Variants in IGSF23 observed in about 807,000 individuals in gnomAD.
IGSF23 encodes the protein immunoglobulin superfamily member 23, also known as immunoglobulin superfamily, member 23.
In IGSF23, 14 loss-of-function variants were observed where a neutral mutation model predicts 17.8. The ratio of observed to expected loss-of-function variants is 0.79; its 90% CI spans 0.52 to 1.23. IGSF23 has a LOEUF of 1.23. Ranked by LOEUF, IGSF23 falls within the 50% of genes most tolerant of loss-of-function variation. The pLI, the probability that IGSF23 is intolerant of heterozygous loss-of-function variation, is 0.00. For synonymous variants in IGSF23, 85 were observed against 92.5 expected, an observed-to-expected ratio of 0.92 and a Z score of 0.46; for missense variants, 214 against 241.7, an observed-to-expected ratio of 0.89 and a Z score of 0.76.
At chr19:44,631,199 C>T (rs906268866) in intron 3 of IGSF23, among the ~76,000 whole-genome samples, 7 of 151,978 alleles carry the variant, frequency 4.6e-5, no homozygotes, top group Middle Eastern at 3.2e-3. Context: ...TCTGGGAGTT[C>T]GAGGTGGCAG....
Position 44,623,777 on chromosome 19 carries a change from T to G in IGSF23, c.196T>G (p.Ser66Ala). 1 of 1,550,982 alleles carries G rather than the reference T, an allele frequency of 6.4e-7. No individual in the cohort carries two copies. The highest frequency in any genetic ancestry group is 1.7e-4 in the Middle Eastern group (1 of 5,996). Residue 66 changes from serine (S) to alanine (A), a missense_variant, in exon 2 of 5, where the codon TCT becomes GCT. Ser to Ala is a moderately conservative substitution (Grantham distance 99, BLOSUM62 1). Transcript: ENST00000402988. ...RGVIQSELNY[S>A]VILQWVVTMD... ...AGTCATCCAGAGTGAGCTCAACTAT[T>G]CTGTGATCCTGCAGTGGGTGGTGAC...
At chr19:44,629,837 T>C (rs1972730060) in intron 3 of IGSF23, among the ~76,000 whole-genome samples, 2 of 152,036 alleles carry the variant, frequency 1.3e-5, no homozygotes, top group Admixed American at 1.3e-4. Context: ...TTTCACCATG[T>C]TGGCCAGGAT....
At position 44,614,537 on chromosome 19, in the gene IGSF23, G is replaced by A. The variant is rs150386374; in HGVS notation, c.125+767G>A. ...AGCTTCAACCTGCTGGGCTGAAGCT[G>A]TTCTCCTGCCTCAGCGTCCTGCGTA... On this transcript the variant is annotated intron_variant, in intron 1 of 4. Coordinates refer to ENST00000402988, the MANE Select transcript of IGSF23 (RefSeq NM_001205280.2). 1.5e-3 allele frequency among the ~76,000 whole-genome samples: 223 copies of A among 152,110 alleles called. 8 individuals are homozygous for A. In the East Asian group the frequency reaches 0.035, roughly 24 times the overall value.
In IGSF23 at chr19:44,623,955, T is replaced by C. The variant is rs1452762045; in HGVS notation, c.374T>C (p.Val125Ala). Reference protein sequence around the residue: ...NSKKQLVSEPVTISLPKPIMQ... With the variant: ...NSKKQLVSEPATISLPKPIMQ... ...AAGAAACAGCTGGTCTCTGAGCCTG[T>C]AACCATCTCGCTGCCAAGTGAGTCC... is the stretch of plus-strand genomic sequence containing the variant. The change falls in exon 2 of 5, where the codon GTA becomes GCA. Residue 125 changes from valine (V) to alanine (A), a missense_variant. Transcript: ENST00000402988. The C allele has an allele frequency of 1.3e-6, 2 of 1,549,910 alleles. No homozygotes were observed. Among genetic ancestry groups the C allele is most frequent in the Non-Finnish European group, 1.7e-6 (2 of 1,146,650 alleles).
Position 44,633,685 on chromosome 19 carries a change from T to C in IGSF23, c.546-1716T>C, listed in dbSNP as rs144791991. On this transcript the variant is annotated intron_variant, in intron 3 of 4. Coordinates refer to ENST00000402988, the MANE Select transcript of IGSF23 (RefSeq NM_001205280.2). ...GACGACCAGTGCTGTAGAGAAATGATTGAAATGTCCGCTCCTGTATCTGCC... is the reference window on the plus strand; with the variant it reads ...GACGACCAGTGCTGTAGAGAAATGACTGAAATGTCCGCTCCTGTATCTGCC... Among the ~76,000 whole-genome samples the C allele has an allele frequency of 6.7e-3, 1,026 of 152,322 alleles. 7 individuals are homozygous for C. Among genetic ancestry groups the C allele is most frequent in the African/African-American group, 0.024 (986 of 41,568 alleles).
At chr19:44,634,711 G>T (rs746682854) in intron 3 of IGSF23, among the ~76,000 whole-genome samples, 7 of 151,292 alleles carry the variant, frequency 4.6e-5, no homozygotes, top group Non-Finnish European at 8.8e-5. Flanking sequence ...GTTCCCAACA[G>T]AATCTCTTGA....
chr19:44,631,007 C>T (rs531262099), intron 3 of IGSF23, among the ~76,000 whole-genome samples: 1 of 151,626 alleles, frequency 6.6e-6, no homozygotes, highest in South Asian at 2.1e-4. Context: ...GTAATCCCAG[C>T]ACTTTGGGAG....
At position 44,613,622 on chromosome 19, in the gene IGSF23, C is replaced by A; in HGVS notation, c.-24C>A. On this transcript the variant is annotated 5_prime_UTR_variant, in exon 1 of 5. Coordinates refer to ENST00000402988, the MANE Select transcript of IGSF23 (RefSeq NM_001205280.2). ...CGATTCTGCTTCTCCCTCCATCTCCCGGCGGGGATTGTACGGTGAGAGAAT... is the reference window on the plus strand; with the variant it reads ...CGATTCTGCTTCTCCCTCCATCTCCAGGCGGGGATTGTACGGTGAGAGAAT... 6.6e-7 allele frequency: 1 copy of A among 1,524,198 alleles called. No homozygotes were observed. The allele number at this position is 1,524,198 out of a possible 1,614,324, so 94.4% of individuals were successfully genotyped here.
At chr19:44,628,690 C>A (rs946008099) in intron 3 of IGSF23, among the ~76,000 whole-genome samples, 1 of 152,150 alleles carries the variant, frequency 6.6e-6, no homozygotes, top group African/African-American at 2.4e-5. Flanking sequence ...GAAGTCTAGA[C>A]TGCAGTGAGC....
At chr19:44,614,431 T>TTTTTG (rs905540554) in intron 1 of IGSF23, among the ~76,000 whole-genome samples, 12 of 152,096 alleles carry the variant, frequency 7.9e-5, no homozygotes, top group African/African-American at 2.7e-4. Context: ...GGTTTTTGTT[T>TTTTTG]TTTTGTTTTG....
At chr19:44,622,256 CTT>C (rs886851130) in intron 1 of IGSF23, among the ~76,000 whole-genome samples, 3 of 151,904 alleles carry the variant, frequency 2.0e-5, no homozygotes, top group African/African-American at 4.8e-5. Context: ...TATATTGCCT[CTT>C]GTTTGTACAC....
At chr19:44,620,435 C>T (rs1354406457) in intron 1 of IGSF23, among the ~76,000 whole-genome samples, 2 of 151,230 alleles carry the variant, frequency 1.3e-5, no homozygotes, top group African/African-American at 2.4e-5. Context: ...GGTGCGATCT[C>T]GGCTCACTAC....
intron 2 of IGSF23, among the ~76,000 whole-genome samples, chr19:44,627,023 G>T (rs183292456): frequency 1.4e-4 from 22 of 152,278 alleles, no homozygotes; most frequent in Non-Finnish European, 2.1e-4. Context: ...GAAAGAAAGG[G>T]ATGAGCTTGG....
At chr19:44,632,230 T>C (rs1231386632) in intron 3 of IGSF23, 2 of 241,944 alleles carry the variant, frequency 8.3e-6, no homozygotes, top group East Asian at 1.6e-4. Context: ...AACTGTGTCA[T>C]AGAGTGATTA....
At chr19:44,635,011 G>A (rs996526419) in intron 3 of IGSF23, among the ~76,000 whole-genome samples, 10 of 152,074 alleles carry the variant, frequency 6.6e-5, no homozygotes, top group Admixed American at 5.9e-4. Context: ...ACAGACCGGG[G>A]GGGCTTAAAC....
rs916784807 is a variant in IGSF23 at position 44,613,962 on chromosome 19, C to A, written c.125+192C>A. On this transcript the variant is annotated intron_variant, in intron 1 of 4. Coordinates refer to ENST00000402988, the MANE Select transcript of IGSF23 (RefSeq NM_001205280.2). ...CCTCTGGACGTCAGCTCCAGCCACA[C>A]CCCTACCTGGAGGAAGCTGCTTTTA... The A allele has an allele frequency of 2.2e-5, 34 of 1,541,524 alleles. No individual in the cohort carries two copies. In the Admixed American group the frequency reaches 5.3e-4, roughly 24 times the overall value.
At chr19:44,613,819 AG>A (rs1348955376) in intron 1 of IGSF23, 49 bp downstream of exon 1, 2 of 1,547,926 alleles carry the variant, frequency 1.3e-6, no homozygotes, top group Non-Finnish European at 1.7e-6. Context: ...CATCGTGAGC[AG>A]GGTCCTGCAG....
intron 3 of IGSF23, among the ~76,000 whole-genome samples, chr19:44,634,449 TATA>T (rs1385781470): frequency 1.3e-5 from 2 of 152,214 alleles, no homozygotes; most frequent in East Asian, 3.8e-4. Flanking sequence ...CAAATGTAGC[TATA>T]ATATTTCCCT....
rs958299187 is a variant in IGSF23 at position 44,636,596 on chromosome 19, C to T, written c.*209C>T. The stretch of plus-strand genomic sequence containing the variant: ...GACTCGGTGCCATCCTTGGTCCCAT[C>T]GCCGTGACACGTTGTGCAAGCAAAG... On this transcript the variant is annotated 3_prime_UTR_variant, in exon 5 of 5. Coordinates refer to ENST00000402988, the MANE Select transcript of IGSF23 (RefSeq NM_001205280.2). The T allele has an allele frequency of 5.9e-5, 9 of 152,164 alleles. No homozygotes were observed. The highest frequency in any genetic ancestry group is 1.9e-4 in the East Asian group (1 of 5,198). 9.4% of individuals were successfully genotyped at this position (152,164 alleles called of 1,614,324 possible).
Sources: gnomAD v4.1 joint callset for allele counts (sites outside exome capture counted in the v4.1 genomes callset) on GRCh38, gnomAD v4.1.1 for gene constraint, MANE v1.5 for transcripts, NCBI Gene and HGNC (gene_info 2026-07-23, HGNC 2026-07-21) for gene names.